Variants in TENM4 observed in about 807,000 individuals in gnomAD.
The protein encoded by TENM4 is teneurin-4.
Under a neutral mutation model 243.3 loss-of-function variants are expected in TENM4, and 82 were observed. The observed-to-expected ratio is 0.34, with a 90% CI of 0.28 to 0.40. The LOEUF (loss-of-function observed/expected upper bound fraction) is 0.40, where lower values mean the gene tolerates loss of function less well. TENM4 is among the 10% of genes least tolerant of loss of function. TENM4 has a pLI of 1.00. For missense variants in TENM4, 3,138 were observed against 3,673.3 expected, an observed-to-expected ratio of 0.85 and a Z score of 3.77; for synonymous variants, 1,412 against 1,456.3, an observed-to-expected ratio of 0.97 and a Z score of 0.69.
intron 3 of TENM4, among the ~76,000 whole-genome samples, chr11:79,169,026 G>C (rs1377569216): frequency 6.6e-6 from 1 of 152,134 alleles, no homozygotes; most frequent in Admixed American, 6.5e-5. Flanking sequence ...AGGGTGACCA[G>C]CTCATCCCCT....
chr11:79,291,435 A>C (rs1390933572), intron 2 of TENM4, among the ~76,000 whole-genome samples: 1 of 152,124 alleles, frequency 6.6e-6, no homozygotes, highest in African/African-American at 2.4e-5. Flanking sequence ...CTACAACCAA[A>C]CAGCATGGTC....
chr11:79,258,844 G>A (rs781135496), intron 2 of TENM4, among the ~76,000 whole-genome samples: 2 of 152,150 alleles, frequency 1.3e-5, no homozygotes, highest in Non-Finnish European at 2.9e-5. Context: ...ATTCATGCAA[G>A]CCGCCCACCT....
At chr11:79,233,235 A>G (rs112552184) in intron 2 of TENM4, among the ~76,000 whole-genome samples, 2 of 152,224 alleles carry the variant, frequency 1.3e-5, no homozygotes, top group Admixed American at 6.5e-5. Flanking sequence ...CTAGCTCTGC[A>G]TCCCAAGTCT....
intron 6 of TENM4, among the ~76,000 whole-genome samples, chr11:78,949,600 G>A (rs765152178): frequency 6.6e-6 from 1 of 152,208 alleles, no homozygotes; most frequent in Non-Finnish European, 1.5e-5. Context: ...TGCTTTTGTT[G>A]AAGCAGGCAG....
At position 78,756,871 on chromosome 11, in the gene TENM4, C is replaced by T. The variant is rs755784769; in HGVS notation, c.2690G>A (p.Arg897His). Residue 897 changes from arginine to histidine, a missense_variant, in exon 19 of 34, where the codon CGC becomes CAC. Arg to His is a conservative substitution (Grantham distance 29). Coordinates refer to ENST00000278550, the MANE Select transcript of TENM4 (RefSeq NM_001098816.3). Reference sequence around the variant, plus strand: ...GTCCCTGCCCACGAGGAACTTGATGCGGTCATAGAAGGAGTGTAGGTTCTG... The same window carrying T: ...GTCCCTGCCCACGAGGAACTTGATGTGGTCATAGAAGGAGTGTAGGTTCTG... Reference protein sequence around the residue: ...SQQNLHSFYDRIKFLVGRDST... With the variant: ...SQQNLHSFYDHIKFLVGRDST... 7.4e-6 allele frequency: 12 copies of T among 1,613,746 alleles called. No homozygotes were observed. Among genetic ancestry groups the T allele is most frequent in the South Asian group, 1.1e-5 (1 of 91,060 alleles).
intron 6 of TENM4, among the ~76,000 whole-genome samples, chr11:78,908,379 G>A (rs1010005276): frequency 2.0e-5 from 3 of 152,156 alleles, no homozygotes; most frequent in African/African-American, 7.2e-5. Context: ...TGGAATATAG[G>A]AATTCTGAAA....
chr11:79,098,122 A>T (rs1393898241), intron 4 of TENM4: 1 of 152,178 alleles, frequency 6.6e-6, no homozygotes, highest in Non-Finnish European at 1.5e-5. Context: ...TCACCAGATC[A>T]TCCATTCCCA....
Position 79,267,406 on chromosome 11 carries a change from T to G in TENM4, c.-265+30082A>C, listed in dbSNP as rs149893607. 2.7e-3 allele frequency among the ~76,000 whole-genome samples: 409 copies of G among 152,298 alleles called. 6 individuals carry two copies. The highest frequency in any genetic ancestry group is 0.025 in the Admixed American group (387 of 15,292). On this transcript the variant is annotated intron_variant, in intron 2 of 33. Coordinates refer to ENST00000278550, the MANE Select transcript of TENM4 (RefSeq NM_001098816.3). ...ATATGAGAAGAATGCCAGAAATGCC[T>G]CACTGTTCAGCCCATAGTTCTAATT...
chr11:79,026,242 A>G lies in TENM4; in HGVS notation c.493+38496T>C, dbSNP rs757821661. Reference sequence around the variant, plus strand: ...TGACCCTGGGTGTGAGGCCAGAAATAGTTAAAAATGTAACAGTGATTACAG... The same window carrying G: ...TGACCCTGGGTGTGAGGCCAGAAATGGTTAAAAATGTAACAGTGATTACAG... On this transcript the variant is annotated intron_variant, in intron 6 of 33. Transcript: ENST00000278550. Among the ~76,000 whole-genome samples the G allele has an allele frequency of 1.6e-4, 24 of 152,346 alleles. 1 individual carries two copies. The Middle Eastern group carries it at 0.017, about 109-fold the overall frequency.
chr11:78,796,439 G>C (rs1189826683), intron 15 of TENM4, among the ~76,000 whole-genome samples: 1 of 152,106 alleles, frequency 6.6e-6, no homozygotes, highest in Non-Finnish European at 1.5e-5. Flanking sequence ...AGAGACAGCT[G>C]ATGTTACACT....
chr11:78,781,252 T>C (rs554858663), intron 16 of TENM4, among the ~76,000 whole-genome samples: 86 of 152,322 alleles, frequency 5.6e-4, no homozygotes, highest in African/African-American at 2.0e-3. Context: ...AAGCTTTGCA[T>C]TATGAAAGGT....
chr11:78,664,049 A>T (rs186377971), intron 32 of TENM4, among the ~76,000 whole-genome samples: 3 of 152,174 alleles, frequency 2.0e-5, no homozygotes, highest in African/African-American at 7.2e-5. Context: ...AGCAAGACAA[A>T]CCCAGTGTCC....
intron 6 of TENM4, among the ~76,000 whole-genome samples, chr11:78,932,184 T>C (rs1856682919): frequency 6.6e-6 from 1 of 152,216 alleles, no homozygotes. Context: ...TCAACTAAAC[T>C]TCCTGTAGCT....
chr11:79,059,171 G>A (rs1860023080), intron 6 of TENM4, among the ~76,000 whole-genome samples: 1 of 152,132 alleles, frequency 6.6e-6, no homozygotes, highest in Admixed American at 6.5e-5. Flanking sequence ...AGGGGTAACT[G>A]TGATTCTGTT....
chr11:78,749,864 T>C (rs1856142414), intron 19 of TENM4, among the ~76,000 whole-genome samples: 1 of 152,138 alleles, frequency 6.6e-6, no homozygotes, highest in African/African-American at 2.4e-5. Flanking sequence ...GGTCAGATCT[T>C]TCTCAGTTCC....
chr11:79,023,418 C>T (rs148622342), intron 6 of TENM4, among the ~76,000 whole-genome samples: 6,722 of 151,954 alleles, frequency 0.044, 245 homozygotes, highest in Non-Finnish European at 0.063. Flanking sequence ...AAAAATTAGC[C>T]GGGCGCAGTG....
At chr11:78,745,137 T>C (rs749488094) in intron 19 of TENM4, among the ~76,000 whole-genome samples, 1 of 152,130 alleles carries the variant, frequency 6.6e-6, no homozygotes. Context: ...TACAAACAAT[T>C]ATGATGTAAT....
rs180779427 is a variant in TENM4, at chr11:79,105,821, G to A, written c.-65-35812C>T. Reference sequence around the variant, plus strand: ...GAGCAAGGTAACAGTGTTGCTGGCTGGTTGAGAGAACCAGCTTATGCCGGG... The same window carrying A: ...GAGCAAGGTAACAGTGTTGCTGGCTAGTTGAGAGAACCAGCTTATGCCGGG... On this transcript the variant is annotated intron_variant, in intron 4 of 33. Coordinates refer to ENST00000278550, the MANE Select transcript of TENM4 (RefSeq NM_001098816.3). Among the ~76,000 whole-genome samples, 4 of 152,326 alleles carry A rather than the reference G, an allele frequency of 2.6e-5. No individual in the cohort carries two copies. In the East Asian group the frequency reaches 7.7e-4, roughly 29 times the overall value.
At chr11:79,416,319 T>A (rs916334731) in intron 1 of TENM4, among the ~76,000 whole-genome samples, 5 of 152,226 alleles carry the variant, frequency 3.3e-5, no homozygotes, top group African/African-American at 1.2e-4. Flanking sequence ...GCTGCCAAGC[T>A]GTTCTCTGAA....
Sources: allele counts gnomAD v4.1 joint callset (sites outside exome capture counted in the v4.1 genomes callset), GRCh38; gene constraint gnomAD v4.1.1; transcripts MANE v1.5; gene names NCBI Gene and HGNC (gene_info 2026-07-23, HGNC 2026-07-21).